WNK2: variants seen among roughly 807,000 people sequenced by gnomAD.
WNK2 encodes WNK lysine deficient protein kinase 2, also known as serine/threonine-protein kinase WNK2.
Under a neutral mutation model 192.1 loss-of-function variants are expected in WNK2, and 67 were observed. That is an observed-to-expected ratio of 0.35 (90% CI 0.29 to 0.43). The LOEUF is 0.43. Among genes scored for constraint, WNK2 ranks in the 20% least tolerant of loss-of-function variants. The pLI is 1.00. For missense variants in WNK2, 2,698 were observed against 3,089.7 expected (o/e 0.87, Z 3.01); for synonymous variants, 1,439 against 1,393.9 (o/e 1.03, Z -0.72).
At chr9:93,305,961 G>A (rs765815842) in intron 26 of WNK2, among the ~76,000 whole-genome samples, 3 of 151,970 alleles carry the variant, frequency 2.0e-5, no homozygotes, top group Non-Finnish European at 2.9e-5. Flanking sequence ...AGGGATGGCC[G>A]TGCCTTCCGG....
intron 2 of WNK2, among the ~76,000 whole-genome samples, chr9:93,215,389 C>T (rs527828952): frequency 2.6e-5 from 4 of 152,178 alleles, no homozygotes; most frequent in Non-Finnish European, 4.4e-5. Flanking sequence ...GGATTACAGG[C>T]GCATGAGCCA....
chr9:93,274,184 A>G (rs2133381743), intron 19 of WNK2, among the ~76,000 whole-genome samples: 1 of 152,352 alleles, frequency 6.6e-6, no homozygotes, highest in East Asian at 1.9e-4. Context: ...AAAATGATAA[A>G]CCTCTAGCAA....
intron 5 of WNK2, among the ~76,000 whole-genome samples, chr9:93,237,481 C>G (rs749833706): frequency 6.6e-6 from 1 of 152,190 alleles, no homozygotes; most frequent in Admixed American, 6.5e-5. Context: ...GGCTTTTCAT[C>G]TCGAGTTCTA....
rs977337390 is a variant in WNK2 at position 93,308,765 on chromosome 9, G to A, written c.6516+181G>A. ...CCACTTTACAGATTGGGAGGTGAGC[G>A]ACGCACCCACAGCTCCGCAGCTGGC... is the stretch of plus-strand genomic sequence containing the variant. On this transcript the variant is annotated intron_variant, in intron 28 of 29. Coordinates refer to ENST00000427277, the MANE Select transcript of WNK2 (RefSeq NM_006648.4). 6 of 1,415,960 alleles carry A rather than the reference G, an allele frequency of 4.2e-6. No individual in the cohort carries two copies. The African/African-American group carries it at 5.8e-5, about 14-fold the overall frequency. 87.7% of individuals were successfully genotyped at this position (1,415,960 alleles called of 1,614,324 possible). A position where few individuals can be genotyped will look rare whatever the true frequency, so the allele number is the denominator to read the frequency against.
intron 17 of WNK2, 51 bp from the exon 18 acceptor site, chr9:93,267,969 G>A: frequency 6.2e-7 from 1 of 1,606,634 alleles, no homozygotes; most frequent in South Asian, 1.1e-5. Flanking sequence ...TGGCTGGGCA[G>A]GTGGGCGCTG....
chr9:93,231,180 T>C (rs966748252), intron 4 of WNK2, 72 bp downstream of exon 4: 4 of 1,474,890 alleles, frequency 2.7e-6, no homozygotes, highest in Non-Finnish European at 3.8e-6. Context: ...CTGGCGAGCA[T>C]CCAGTTTTGT....
rs965297212 is a variant in WNK2 at position 93,294,157 on chromosome 9, T to C, written c.5708+984T>C. Among the ~76,000 whole-genome samples, 4 of 152,214 alleles carry C rather than the reference T, an allele frequency of 2.6e-5. No homozygotes were observed. In the South Asian group the frequency reaches 6.2e-4, roughly 24 times the overall value. On this transcript the variant is annotated intron_variant, in intron 23 of 29. Transcript: ENST00000427277. ...TCACAGGCTTATGTGGGAAGAGCCG[T>C]GCACATCTCCTTTCTCTCCTGCGAG...
intron 19 of WNK2, among the ~76,000 whole-genome samples, chr9:93,276,752 A>G (rs1846962005): frequency 6.6e-6 from 1 of 152,216 alleles, no homozygotes; most frequent in Admixed American, 6.5e-5. Flanking sequence ...AAAATGAGCA[A>G]CTTGGCTGAG....
At chr9:93,197,465 A>G (rs1831475937) in intron 2 of WNK2, among the ~76,000 whole-genome samples, 1 of 152,206 alleles carries the variant, frequency 6.6e-6, no homozygotes, top group Admixed American at 6.5e-5. Context: ...TAAATCTGTC[A>G]GCATTGTCTT....
intron 23 of WNK2, among the ~76,000 whole-genome samples, chr9:93,296,594 T>G (rs1850526581): frequency 1.9e-5 from 1 of 52,552 alleles, no homozygotes; most frequent in Admixed American, 2.2e-4. Context: ...TCCTCCTTTC[T>G]CCATCATTCC....
intron 2 of WNK2, among the ~76,000 whole-genome samples, chr9:93,194,348 A>C (rs1227024811): frequency 6.6e-6 from 1 of 152,228 alleles, no homozygotes; most frequent in African/African-American, 2.4e-5. Flanking sequence ...ATTTACAGAG[A>C]ATTCTTAAAA....
intron 19 of WNK2, among the ~76,000 whole-genome samples, chr9:93,270,903 C>T (rs763661415): frequency 6.6e-6 from 1 of 152,184 alleles, no homozygotes; most frequent in African/African-American, 2.4e-5. Flanking sequence ...GTCCTCTTGC[C>T]ACCTTGTCAT....
At chr9:93,315,020 C>G (rs1285742918) in intron 28 of WNK2, among the ~76,000 whole-genome samples, 1 of 152,168 alleles carries the variant, frequency 6.6e-6, no homozygotes, top group Non-Finnish European at 1.5e-5. Context: ...AAGCTGTTGC[C>G]ACAATGTGCT....
chr9:93,288,411 T>C (rs936872113), intron 19 of WNK2, among the ~76,000 whole-genome samples: 12 of 152,352 alleles, frequency 7.9e-5, no homozygotes, highest in African/African-American at 2.9e-4. Context: ...AAGAGCCGTA[T>C]CTTTCTGGAG....
chr9:93,216,131 C>A (rs1250823221), intron 2 of WNK2, among the ~76,000 whole-genome samples: 1 of 152,206 alleles, frequency 6.6e-6, no homozygotes, highest in East Asian at 1.9e-4. Context: ...TGAAAGCCTG[C>A]ACGTCTACCA....
chr9:93,297,244 T>C (rs927080184), intron 23 of WNK2, among the ~76,000 whole-genome samples: 3 of 148,268 alleles, frequency 2.0e-5, no homozygotes, highest in Admixed American at 1.4e-4. Flanking sequence ...CTGGGCATCC[T>C]CCTCTTGCCT....
intron 19 of WNK2, among the ~76,000 whole-genome samples, chr9:93,271,377 AAG>A (rs1195272230): frequency 1.3e-5 from 2 of 152,252 alleles, no homozygotes; most frequent in African/African-American, 4.8e-5. Context: ...ATCAAATGAA[AAG>A]CCATGAAAAT....
intron 2 of WNK2, among the ~76,000 whole-genome samples, chr9:93,204,354 A>G (rs1197678755): frequency 2.0e-5 from 3 of 152,178 alleles, no homozygotes; most frequent in African/African-American, 4.8e-5. Flanking sequence ...GAATGGAGAA[A>G]GTATATTAGG....
At chr9:93,274,838 A>G (rs1264707507) in intron 19 of WNK2, among the ~76,000 whole-genome samples, 1 of 152,216 alleles carries the variant, frequency 6.6e-6, no homozygotes, top group Non-Finnish European at 1.5e-5. Flanking sequence ...ACTCTGCCAG[A>G]CATTTAAAAG....
Sources: gnomAD v4.1 joint callset for allele counts (sites outside exome capture counted in the v4.1 genomes callset) on GRCh38, gnomAD v4.1.1 for gene constraint, MANE v1.5 for transcripts, NCBI Gene and HGNC (gene_info 2026-07-23, HGNC 2026-07-21) for gene names.